MAP2K6: variants seen among roughly 807,000 people sequenced by gnomAD.
MAP2K6 encodes mitogen-activated protein kinase kinase 6.
A neutral mutation model predicts 53.7 loss-of-function variants in MAP2K6; 16 were observed. The observed-to-expected ratio is 0.30, with a 90% confidence interval of 0.20 to 0.45. The LOEUF (loss-of-function observed/expected upper bound fraction) is 0.45. Ranked by LOEUF, MAP2K6 falls within the 20% of genes least tolerant of loss-of-function variation. MAP2K6 has a pLI of 1.00. For missense variants in MAP2K6, 204 were observed against 411.9 expected (o/e 0.50, Z 4.37); for synonymous variants, 132 against 143.1 (o/e 0.92, Z 0.55).
intron 7 of MAP2K6, among the ~76,000 whole-genome samples, chr17:69,522,757 C>T (rs1272759651): frequency 2.6e-5 from 4 of 152,026 alleles, no homozygotes; most frequent in Admixed American, 6.6e-5. Flanking sequence ...AGGTTTCAAT[C>T]AAAATCTGTT....
chr17:69,479,642 G>A (rs1028809782), intron 1 of MAP2K6, among the ~76,000 whole-genome samples: 3 of 152,022 alleles, frequency 2.0e-5, no homozygotes, highest in African/African-American at 4.8e-5. Flanking sequence ...ATGACTTGGA[G>A]GCTTATGTCA....
At chr17:69,459,396 G>C (rs1362544441) in intron 1 of MAP2K6, among the ~76,000 whole-genome samples, 1 of 152,048 alleles carries the variant, frequency 6.6e-6, no homozygotes, top group Non-Finnish European at 1.5e-5. Context: ...AAGGAAAAGA[G>C]AAGAACTTAG....
intron 4 of MAP2K6, among the ~76,000 whole-genome samples, chr17:69,518,138 C>T (rs1355532638): frequency 2.0e-5 from 3 of 151,934 alleles, no homozygotes; most frequent in African/African-American, 7.3e-5. Flanking sequence ...TGTGGTGAGC[C>T]GAGATCGTGC....
chr17:69,446,733 T>C (rs1906976608), intron 1 of MAP2K6, among the ~76,000 whole-genome samples: 1 of 152,138 alleles, frequency 6.6e-6, no homozygotes, highest in African/African-American at 2.4e-5. Context: ...TTGGGTATCA[T>C]TTGAGTACCC....
intron 1 of MAP2K6, among the ~76,000 whole-genome samples, chr17:69,447,385 G>A (rs1457061110): frequency 3.3e-5 from 5 of 151,780 alleles, no homozygotes; most frequent in South Asian, 4.2e-4. Flanking sequence ...TTGCTCTGTC[G>A]CCCAGATTGG....
At position 69,536,170 on chromosome 17, in the gene MAP2K6, G is replaced by A; in HGVS notation, c.927+10G>A. On this transcript the variant is annotated intron_variant, in intron 11 of 11. Transcript: ENST00000590474. ...ATACCCAGAGCTAATGGTGAGTATTGTTAGCAACGTAAACATGACTATACT... is the reference window on the plus strand; with the variant it reads ...ATACCCAGAGCTAATGGTGAGTATTATTAGCAACGTAAACATGACTATACT... 1 of 1,607,676 alleles carries A rather than the reference G, an allele frequency of 6.2e-7. No homozygotes were observed. Among genetic ancestry groups the A allele is most frequent in the East Asian group, 2.2e-5 (1 of 44,746 alleles).
intron 7 of MAP2K6, among the ~76,000 whole-genome samples, chr17:69,522,276 A>G (rs757712159): frequency 5.3e-5 from 8 of 152,196 alleles, no homozygotes; most frequent in Non-Finnish European, 1.0e-4. Flanking sequence ...ATGAAGGAAG[A>G]TGAGAAGAAA....
intron 1 of MAP2K6, among the ~76,000 whole-genome samples, chr17:69,472,050 C>T (rs754632683): frequency 6.6e-6 from 1 of 152,090 alleles, no homozygotes; most frequent in Non-Finnish European, 1.5e-5. Flanking sequence ...ATTTCAGAGG[C>T]CTTGGGTTAT....
intron 7 of MAP2K6, among the ~76,000 whole-genome samples, chr17:69,523,162 C>T (rs138167335): frequency 5.6e-4 from 85 of 152,234 alleles, no homozygotes; most frequent in East Asian, 1.7e-3. Flanking sequence ...ATTACTCCTA[C>T]GTTAAATATC....
intron 1 of MAP2K6, among the ~76,000 whole-genome samples, chr17:69,441,288 G>A (rs553147671): frequency 6.6e-6 from 1 of 151,978 alleles, no homozygotes; most frequent in African/African-American, 2.4e-5. Context: ...TGTTGTTATA[G>A]TTTCATATGT....
At chr17:69,501,092 AGGCCTCTAGATTGCCAGTTACTTG>A (rs1353329399) in intron 1 of MAP2K6, among the ~76,000 whole-genome samples, 1 of 152,232 alleles carries the variant, frequency 6.6e-6, no homozygotes, top group Non-Finnish European at 1.5e-5. Flanking sequence ...AGGGCAGCCA[AGGCCTCTAGATTGCCAGTTACTTG>A]GCTGGAAATC....
At chr17:69,526,442 C>T (rs997189407) in intron 9 of MAP2K6, 128 bp from the exon 10 acceptor site, 2 of 931,580 alleles carry the variant, frequency 2.1e-6, no homozygotes, top group African/African-American at 1.7e-5. Context: ...TTTCCTGCCC[C>T]CCTACCCCTG....
At chr17:69,420,500 C>G (rs1346928749) in intron 1 of MAP2K6, among the ~76,000 whole-genome samples, 1 of 152,130 alleles carries the variant, frequency 6.6e-6, no homozygotes, top group Non-Finnish European at 1.5e-5. Flanking sequence ...CTTAACATAG[C>G]CTTAATAAAT....
chr17:69,431,355 CTT>C (rs147290428), intron 1 of MAP2K6, among the ~76,000 whole-genome samples: 8,835 of 150,854 alleles, frequency 0.059, 862 homozygotes, highest in African/African-American at 0.2. Context: ...ATAATTATGT[CTT>C]ATAATTATAT....
chr17:69,416,975 C>T (rs817547), intron 1 of MAP2K6, among the ~76,000 whole-genome samples: 58,553 of 152,036 alleles, frequency 0.39, 11,799 homozygotes, highest in Middle Eastern at 0.46. Flanking sequence ...ATTAGCACTG[C>T]ACTCTTCCCT....
Position 69,436,189 on chromosome 17 carries a change from G to C in MAP2K6, c.16+21189G>C, listed in dbSNP as rs151239320. 3.2e-3 allele frequency among the ~76,000 whole-genome samples: 487 copies of C among 152,054 alleles called. 4 individuals are homozygous for C. The highest frequency in any genetic ancestry group is 0.011 in the African/African-American group (468 of 41,456). On this transcript the variant is annotated intron_variant, in intron 1 of 11. Coordinates refer to ENST00000590474, the MANE Select transcript of MAP2K6 (RefSeq NM_002758.4). ...CTCATCTAAATTCCATCCTTTTCCT[G>C]GAGCTTCTGCTATCCTAATCCCTCA...
At chr17:69,541,032 G>A (rs1473418319) in intron 11 of MAP2K6, among the ~76,000 whole-genome samples, 2 of 152,200 alleles carry the variant, frequency 1.3e-5, no homozygotes, top group Admixed American at 6.5e-5. Context: ...GGGAGGCCGA[G>A]GCTGGCAGAT....
chr17:69,466,505 C>G (rs2145176505), intron 1 of MAP2K6, among the ~76,000 whole-genome samples: 1 of 152,272 alleles, frequency 6.6e-6, no homozygotes, highest in East Asian at 1.9e-4. Flanking sequence ...TCCCTCAGCT[C>G]TATTCCTTGG....
In MAP2K6 at chr17:69,495,113, A is replaced by C. The variant is rs531941017; in HGVS notation, c.17-10667A>C. Among the ~76,000 whole-genome samples, 824 of 151,678 alleles carry C rather than the reference A, an allele frequency of 5.4e-3. 4 individuals are homozygous for C. The highest frequency in any genetic ancestry group is 0.038 in the Middle Eastern group (11 of 288). The stretch of plus-strand genomic sequence containing the variant: ...TACTTCCACATAAAAAAAAAAAAAA[A>C]AACAACAAATTCACCCCTCTTATTC... On this transcript the variant is annotated intron_variant, in intron 1 of 11. Coordinates refer to ENST00000590474, the MANE Select transcript of MAP2K6 (RefSeq NM_002758.4).
Sources: allele counts gnomAD v4.1 joint callset (sites outside exome capture counted in the v4.1 genomes callset), GRCh38; gene constraint gnomAD v4.1.1; transcripts MANE v1.5; gene names NCBI Gene and HGNC (gene_info 2026-07-23, HGNC 2026-07-21).